Variants in UBR3 observed in about 807,000 individuals in gnomAD.
UBR3 encodes the protein E3 ubiquitin-protein ligase UBR3.
UBR3 carries 85 observed loss-of-function variants against 243.2 expected under a neutral mutation model. That is an observed-to-expected ratio of 0.35 (90% CI 0.29 to 0.42). The LOEUF (loss-of-function observed/expected upper bound fraction) is 0.42. Ranked by LOEUF, UBR3 falls within the 10% of genes least tolerant of loss-of-function variation. The pLI, the probability that UBR3 is intolerant of heterozygous loss-of-function variation, is 1.00. For synonymous variants in UBR3, 748 were observed against 799.8 expected, an observed-to-expected ratio of 0.94 and a Z score of 1.09; for missense variants, 1,686 against 2,300.8, an observed-to-expected ratio of 0.73 and a Z score of 5.47.
At chr2:170,037,309 C>T (rs2090857944) in intron 31 of UBR3, among the ~76,000 whole-genome samples, 1 of 152,094 alleles carries the variant, frequency 6.6e-6, no homozygotes, top group Admixed American at 6.6e-5. Context: ...CTTCCCCAAA[C>T]TCTGACTCCC....
intron 23 of UBR3, among the ~76,000 whole-genome samples, chr2:169,954,347 T>G (rs2087175173): frequency 6.6e-6 from 1 of 152,014 alleles, no homozygotes; most frequent in Admixed American, 6.6e-5. Context: ...CTCAAGTGAT[T>G]CTCCCGCCTC....
chr2:169,889,612 T>C (rs1437017894), intron 5 of UBR3, among the ~76,000 whole-genome samples: 1 of 152,166 alleles, frequency 6.6e-6, no homozygotes, highest in East Asian at 1.9e-4. Flanking sequence ...AGAGAGGGAT[T>C]GTAGTTTGAC....
chr2:169,835,825 A>G (rs1311122370), intron 1 of UBR3, among the ~76,000 whole-genome samples: 1 of 152,152 alleles, frequency 6.6e-6, no homozygotes, highest in Non-Finnish European at 1.5e-5. Flanking sequence ...CAAAAGTAGT[A>G]TAACAGATAC....
At position 170,079,853 on chromosome 2, in the gene UBR3, C is replaced by T; in HGVS notation, c.5239C>T (p.Leu1747=). The part of the protein sequence containing the change: ...IQESKWKLPH[L]LQLPENYNTI... ...AGAGTCAAAATGGAAATTACCACAC[C>T]TACTACAGTTGCCTGAGAATTATAA... Residue 1747 remains leucine, a synonymous_variant, in exon 37 of 39, where the codon CTA becomes TTA. Transcript: ENST00000272793. The T allele has an allele frequency of 6.2e-7, 1 of 1,613,978 alleles. No individual in the cohort carries two copies. The highest frequency in any genetic ancestry group is 8.5e-7 in the Non-Finnish European group (1 of 1,179,936).
Position 169,869,654 on chromosome 2 carries a change from C to T in UBR3, c.546-2582C>T, listed in dbSNP as rs180999397. 2.4e-4 allele frequency among the ~76,000 whole-genome samples: 36 copies of T among 152,228 alleles called. No homozygotes were observed. The Middle Eastern group carries it at 0.01, about 43-fold the overall frequency. On this transcript the variant is annotated intron_variant, in intron 1 of 38. Coordinates refer to ENST00000272793, the MANE Select transcript of UBR3 (RefSeq NM_172070.4). The stretch of plus-strand genomic sequence containing the variant: ...TAAGTAACTGTAATGAAAATTTCCC[C>T]TCAAGCTTTCCTCTAATGGCTCAAT...
chr2:170,022,200 A>C (rs960241587), intron 30 of UBR3, among the ~76,000 whole-genome samples: 2 of 152,128 alleles, frequency 1.3e-5, no homozygotes, highest in Non-Finnish European at 2.9e-5. Context: ...TAGTCCCTGA[A>C]ACCTTAAAGT....
rs1390052022 is a variant in UBR3, at chr2:169,967,929, CCCTTTCTTAGGTAAGTGTATA to C, written c.3634+9418_3634+9438del. Among the ~76,000 whole-genome samples, 3 of 151,522 alleles carry C rather than the reference CCCTTTCTTAGGTAAGTGTATA, an allele frequency of 2.0e-5. No homozygotes were observed. In the East Asian group the frequency reaches 5.8e-4, roughly 29 times the overall value. ...TAAAATATTTAATTTTTCCTAGAGT[CCCTTTCTTAGGTAAGTGTATA>C]CCTTTCTTAGGTAACACATATGTAC... On this transcript the variant is annotated intron_variant, in intron 24 of 38. Transcript: ENST00000272793.
chr2:169,845,553 T>TTCC (rs1284441663), intron 1 of UBR3, among the ~76,000 whole-genome samples: 4 of 149,220 alleles, frequency 2.7e-5, no homozygotes, highest in African/African-American at 9.8e-5. Flanking sequence ...TTCTTCTTCT[T>TTCC]TCTTCTTCTT....
At chr2:170,053,241 G>C (rs1476414640) in intron 32 of UBR3, among the ~76,000 whole-genome samples, 1 of 152,184 alleles carries the variant, frequency 6.6e-6, no homozygotes, top group Non-Finnish European at 1.5e-5. Flanking sequence ...TTTGTACAAA[G>C]AGTATGGTTT....
At chr2:169,844,558 G>T (rs547618054) in intron 1 of UBR3, among the ~76,000 whole-genome samples, 36 of 147,168 alleles carry the variant, frequency 2.4e-4, no homozygotes, top group African/African-American at 8.8e-4. Context: ...CAGTGGTGCA[G>T]TCGTGGCTCA....
chr2:170,069,114 T>G (rs2091642275), intron 35 of UBR3, among the ~76,000 whole-genome samples: 1 of 152,104 alleles, frequency 6.6e-6, no homozygotes, highest in Non-Finnish European at 1.5e-5. Flanking sequence ...GAAGGAACAC[T>G]TCTGAACTCA....
intron 35 of UBR3, among the ~76,000 whole-genome samples, chr2:170,071,689 A>C (rs924834115): frequency 9.9e-5 from 15 of 152,184 alleles, no homozygotes; most frequent in Non-Finnish European, 2.2e-4. Flanking sequence ...AGATATTTGA[A>C]AATTAACATG....
rs917368680 is a variant in UBR3 at position 169,937,698 on chromosome 2, G to C, written c.2663+4690G>C. On this transcript the variant is annotated intron_variant, in intron 19 of 38. Coordinates refer to ENST00000272793, the MANE Select transcript of UBR3 (RefSeq NM_172070.4). ...TGCATTTTCTATTGTTCAGTCTCTA[G>C]CTTTCAAGTTAGAGGCATTCCCCAG... Among the ~76,000 whole-genome samples the C allele has an allele frequency of 2.6e-5, 4 of 152,126 alleles. No homozygotes were observed. The East Asian group carries it at 7.7e-4, about 29-fold the overall frequency.
rs566112910 is a variant in UBR3, at chr2:169,946,207, A to G, written c.2806-81A>G. On this transcript the variant is annotated intron_variant, in intron 20 of 38. Transcript: ENST00000272793. ...TATTAAAGTACTTTTCGTCTAGAAC[A>G]GTAAAATATTTTTGGATCTCTAAAT... The G allele has an allele frequency of 8.8e-6, 7 of 795,976 alleles. No individual in the cohort carries two copies. In the Admixed American group the frequency reaches 1.4e-4, roughly 15 times the overall value. The allele number at this position is 795,976 out of a possible 1,614,324, so 49.3% of individuals were successfully genotyped here.
chr2:170,078,151 CT>C, intron 36 of UBR3: 1 of 582,216 alleles, frequency 1.7e-6, no homozygotes, highest in Middle Eastern at 5.6e-4. Flanking sequence ...TAAGATAAAG[CT>C]TAGCCTTCAG....
At chr2:169,954,919 G>GC (rs879611432) in intron 23 of UBR3, among the ~76,000 whole-genome samples, 4 of 152,014 alleles carry the variant, frequency 2.6e-5, no homozygotes, top group Admixed American at 2.0e-4. Context: ...ATCACTCCTT[G>GC]CATTTAGTTG....
At chr2:169,867,402 A>G (rs1301104410) in intron 1 of UBR3, among the ~76,000 whole-genome samples, 2 of 152,154 alleles carry the variant, frequency 1.3e-5, no homozygotes, top group African/African-American at 2.4e-5. Context: ...TATGTTATGG[A>G]TCTGCCATAG....
rs370968042 is a variant in UBR3, at chr2:169,944,723, T to G, written c.2806-1565T>G. ...AGTACCTAATAGAGGGATGTTTTCC[T>G]CTTTAGCTCTGAAGTTACTCAATTA... On this transcript the variant is annotated intron_variant, in intron 20 of 38. Coordinates refer to ENST00000272793, the MANE Select transcript of UBR3 (RefSeq NM_172070.4). 6.6e-5 allele frequency among the ~76,000 whole-genome samples: 10 copies of G among 152,272 alleles called. No individual in the cohort carries two copies. In the East Asian group the frequency reaches 1.2e-3, roughly 18 times the overall value.
intron 24 of UBR3, among the ~76,000 whole-genome samples, chr2:169,983,669 T>C (rs1037016848): frequency 6.6e-6 from 1 of 152,136 alleles, no homozygotes; most frequent in South Asian, 2.1e-4. Context: ...GTGAAGAGCA[T>C]GGATACAGGG....
Sources: allele counts gnomAD v4.1 joint callset (sites outside exome capture counted in the v4.1 genomes callset), GRCh38; gene constraint gnomAD v4.1.1; transcripts MANE v1.5; gene names NCBI Gene and HGNC (gene_info 2026-07-23, HGNC 2026-07-21).